The following LRRC71 variants were observed in gnomAD, a reference collection of about 807,000 sequenced individuals.
The protein encoded by LRRC71 is leucine-rich repeat-containing protein 71.
Under a neutral mutation model 66.6 loss-of-function variants are expected in LRRC71, and 54 were observed. The ratio of observed to expected loss-of-function variants is 0.81; its 90% CI spans 0.65 to 1.02. The LOEUF is 1.02. Among genes scored for constraint, LRRC71 ranks in the 50% least tolerant of loss-of-function variants. LRRC71 has a pLI of 0.00. For synonymous variants in LRRC71, 323 were observed against 303.9 expected (o/e 1.06, Z -0.65); for missense variants, 724 against 718.0 (o/e 1.01, Z -0.10).
chr1:156,923,642 C>T (rs111913370), intron 1 of LRRC71, among the ~76,000 whole-genome samples: 175 of 152,204 alleles, frequency 1.1e-3, no homozygotes, highest in African/African-American at 3.9e-3. Flanking sequence ...CTGGGAAAGG[C>T]GGAAGCCCGG....
chr1:156,936,548 T>C (rs1471546431), downstream of LRRC71, among the ~76,000 whole-genome samples: 1 of 126,594 alleles, frequency 7.9e-6, no homozygotes, highest in African/African-American at 3.0e-5. Flanking sequence ...AGAACAAGTC[T>C]TAGAGGTGAG....
In LRRC71 at chr1:156,924,993, C is replaced by A. The variant is rs1269626068; in HGVS notation, c.571C>A (p.Pro191Thr). Residue 191 changes from proline to threonine, a missense_variant, in exon 5 of 15, where the codon CCT (proline) becomes ACT (threonine). Pro to Thr is a conservative substitution (Grantham distance 38). Coordinates refer to ENST00000337428, the MANE Select transcript of LRRC71 (RefSeq NM_144702.3). ...CCTGACCACCTTCATCGAGCTCCTG[C>A]CTCTCTGTTCATCCACGCTCAGGTC... ...KTLTTFIELL[P>T]LCSSTLRKVS... 1 of 1,551,726 alleles carries A rather than the reference C, an allele frequency of 6.4e-7. No homozygotes were observed. Among genetic ancestry groups the A allele is most frequent in the South Asian group, 1.2e-5 (1 of 84,062 alleles).
chr1:156,921,709 CAA>C (rs1238915869), intron 1 of LRRC71: 2 of 312,858 alleles, frequency 6.4e-6, no homozygotes, highest in African/African-American at 5.7e-5. Flanking sequence ...CAGTTACATT[CAA>C]AACACACACA....
chr1:156,926,911 A>C (rs1250993068), intron 5 of LRRC71, among the ~76,000 whole-genome samples: 1 of 152,098 alleles, frequency 6.6e-6, no homozygotes, highest in Non-Finnish European at 1.5e-5. Flanking sequence ...GTCCACACTC[A>C]AGGGGAAGGA....
the LRRC71 span, among the ~76,000 whole-genome samples, chr1:156,940,816 G>A: frequency 3.9e-5 from 6 of 152,272 alleles, no homozygotes; most frequent in African/African-American, 1.4e-4. Flanking sequence ...CGTGAAGGAG[G>A]TGTGGCGTTA....
At chr1:156,922,287 G>A (rs1215279686) in intron 1 of LRRC71, among the ~76,000 whole-genome samples, 1 of 152,166 alleles carries the variant, frequency 6.6e-6, no homozygotes, top group Non-Finnish European at 1.5e-5. Context: ...CTTACAGGTT[G>A]TAGAGGATGG....
intron 1 of LRRC71, 46 bp from the exon 2 acceptor site, chr1:156,923,903 G>C (rs944597726): frequency 3.0e-5 from 42 of 1,422,028 alleles, no homozygotes; most frequent in Non-Finnish European, 3.9e-5. Context: ...TGGGGATGCG[G>C]GGGTGGGCGT....
At chr1:156,927,022 A>C (rs1454746881) in intron 5 of LRRC71, among the ~76,000 whole-genome samples, 180 bp from the exon 6 acceptor site, 1 of 152,196 alleles carries the variant, frequency 6.6e-6, no homozygotes, top group African/African-American at 2.4e-5. Context: ...GTCCCTTCAC[A>C]ATGGGCACAT....
intron 9 of LRRC71, among the ~76,000 whole-genome samples, chr1:156,928,563 C>CTTTT (rs58180096): frequency 3.2e-4 from 26 of 80,214 alleles, no homozygotes; most frequent in Admixed American, 6.9e-4. Flanking sequence ...CTTCTTCTTA[C>CTTTT]TTTTTTTTTT....
At chr1:156,936,057 G>A, downstream of LRRC71, 1 of 1,614,070 alleles carries the variant, frequency 6.2e-7, no homozygotes, top group Non-Finnish European at 8.5e-7. Context: ...GGGCGTCAGA[G>A]CCTGTGGGAG....
Position 156,929,728 on chromosome 1 carries a change from GA to G in LRRC71, c.1240del (p.Lys414ArgfsTer2), listed in dbSNP as rs1653985252. 6 of 1,560,586 alleles carry G rather than the reference GA, an allele frequency of 3.8e-6. No homozygotes were observed. The East Asian group carries it at 1.4e-4, about 38-fold the overall frequency. On this transcript the variant is annotated frameshift_variant and splice_region_variant, in exon 11 of 15. Coordinates refer to ENST00000337428, the MANE Select transcript of LRRC71 (RefSeq NM_144702.3). LOFTEE classifies it high-confidence loss of function. ...AAGATGCCACAAAGGCAGGCAAGGG[GA>G]GTAAGTGCGGGTGCCCCTGGGTGGC... ...KEDATKAGKG[K>X]VTIPEQKPSR...
chr1:156,927,208 GTC>G lies in LRRC71; in HGVS notation c.604_605del (p.Leu202GlyfsTer29). The G allele has an allele frequency of 6.2e-7, 1 of 1,612,736 alleles. No homozygotes were observed. The highest frequency in any genetic ancestry group is 1.1e-5 in the South Asian group (1 of 90,616). On this transcript the variant is annotated frameshift_variant, in exon 6 of 15. Coordinates refer to ENST00000337428, the MANE Select transcript of LRRC71 (RefSeq NM_144702.3). LOFTEE classifies it high-confidence loss of function. Reference protein sequence around the residue: ...PLCSSTLRKVSLEGNPLPEQS... With the variant: ...PLCSSTLRKVXLEGNPLPEQS... Reference sequence around the variant, plus strand: ...AGATCTCCCCTGCCCTCAGGAAGGTGTCTCTGGAGGGGAACCCACTGCCGGAG... The same window carrying G: ...AGATCTCCCCTGCCCTCAGGAAGGTGTCTGGAGGGGAACCCACTGCCGGAG...
chr1:156,927,544 G>C lies in LRRC71; in HGVS notation c.711G>C (p.Ala237=), dbSNP rs1424726889. The change falls in exon 7 of 15, where the codon GCG becomes GCC. Residue 237 remains alanine (A), a synonymous_variant. Coordinates refer to ENST00000337428, the MANE Select transcript of LRRC71 (RefSeq NM_144702.3). ...LRNNNIDDRG[A]QLLGQALSTL... is the part of the protein sequence containing the mutation. ...ACAATAACATCGACGACCGCGGGGC[G>C]CAACTCCTGGGCCAGGCGCTGTCCA... 1.9e-6 allele frequency: 3 copies of C among 1,560,628 alleles called. No homozygotes were observed. Among genetic ancestry groups the C allele is most frequent in the East Asian group, 2.2e-5 (1 of 44,458 alleles).
rs572947041 is a variant in LRRC71 at position 156,927,888 on chromosome 1, C to T, written c.907-27C>T. ...AGCCGACCCTGACTACCCAGGCGTC[C>T]GACCGCTGAGCGCCCGCCTCCTTCA... On this transcript the variant is annotated intron_variant, in intron 8 of 14. Transcript: ENST00000337428. The T allele has an allele frequency of 8.9e-5, 144 of 1,610,202 alleles. No individual in the cohort carries two copies. In the Middle Eastern group the frequency reaches 1.3e-3, roughly 15 times the overall value.
At chr1:156,935,413 G>T (rs912626297), downstream of LRRC71, 2 of 152,230 alleles carry the variant, frequency 1.3e-5, no homozygotes, top group Non-Finnish European at 2.9e-5. Flanking sequence ...TAACTAAGGA[G>T]ATACAAGTGA....
chr1:156,934,028 G>A (rs1654701214), downstream of LRRC71, among the ~76,000 whole-genome samples: 1 of 152,214 alleles, frequency 6.6e-6, no homozygotes, highest in Non-Finnish European at 1.5e-5. Flanking sequence ...TGTGGAGCCA[G>A]CTTCACCAGG....
At position 156,924,021 on chromosome 1, in the gene LRRC71, T is replaced by C; in HGVS notation, c.233T>C (p.Phe78Ser). The change falls in exon 2 of 15, where the codon TTC (phenylalanine) becomes TCC (serine). Residue 78 changes from phenylalanine (F) to serine (S), a missense_variant. Physicochemically the swap from Phe to Ser is radical, Grantham distance 155. Transcript: ENST00000337428. Reference protein sequence around the residue: ...ELCTRWGYTDFPKVVNRPRPH... With the variant: ...ELCTRWGYTDSPKVVNRPRPH... ...TGCACGCGGTGGGGCTACACGGACTTCCCCAAAGTTGTCAACCGGCCCCGC... is the reference window on the plus strand; with the variant it reads ...TGCACGCGGTGGGGCTACACGGACTCCCCCAAAGTTGTCAACCGGCCCCGC... The C allele has an allele frequency of 6.5e-7, 1 of 1,548,366 alleles. No homozygotes were observed. Among genetic ancestry groups the C allele is most frequent in the Non-Finnish European group, 8.7e-7 (1 of 1,146,084 alleles).
the LRRC71 span, chr1:156,939,486 G>T: frequency 1.9e-6 from 3 of 1,598,272 alleles, no homozygotes; most frequent in Non-Finnish European, 2.5e-6. Context: ...CAGCTGTTCG[G>T]AAGACTTATC....
At chr1:156,936,503 T>TATATAA (rs1655328811), downstream of LRRC71, among the ~76,000 whole-genome samples, 1 of 111,346 alleles carries the variant, frequency 9.0e-6, no homozygotes, top group Admixed American at 8.7e-5. Context: ...AAAAAATATA[T>TATATAA]ATATATATAT....
Sources: gnomAD v4.1 joint callset for allele counts (sites outside exome capture counted in the v4.1 genomes callset) on GRCh38, gnomAD v4.1.1 for gene constraint, MANE v1.5 for transcripts, NCBI Gene and HGNC (gene_info 2026-07-23, HGNC 2026-07-21) for gene names.